Variants in ZNF438 observed in about 807,000 individuals in gnomAD.
ZNF438 encodes the protein zinc finger protein 438.
A neutral mutation model predicts 38.0 loss-of-function variants in ZNF438; 25 were observed. The ratio of observed to expected loss-of-function variants is 0.66; its 90% CI spans 0.48 to 0.92. The LOEUF (loss-of-function observed/expected upper bound fraction) is 0.92. ZNF438 is among the 40% of genes least tolerant of loss of function. The pLI is 0.00. For synonymous variants in ZNF438, 372 were observed against 364.1 expected (o/e 1.02, Z -0.25); for missense variants, 1,007 against 999.6 (o/e 1.01, Z -0.10).
At chr10:31,010,892 G>GAAAAAAAAAAAAAAAAAAAAAAAAAAAA in intron 1 of ZNF438, among the ~76,000 whole-genome samples, 1 of 92,594 alleles carries the variant, frequency 1.1e-5, no homozygotes, top group Non-Finnish European at 1.9e-5. Flanking sequence ...GACCCTGTTT[G>GAAAAAAAAAAAAAAAAAAAAAAAAAAAA]AAAAAAAAAA....
At chr10:30,896,029 C>T (rs1393003769) in intron 3 of ZNF438, among the ~76,000 whole-genome samples, 3 of 152,156 alleles carry the variant, frequency 2.0e-5, no homozygotes, top group Non-Finnish European at 2.9e-5. Context: ...AGGCCAGGCA[C>T]GGTGCCTCAC....
In ZNF438 at chr10:30,895,358, T is replaced by G. The variant is rs574178979; in HGVS notation, c.-32+13575A>C. On this transcript the variant is annotated intron_variant, in intron 3 of 5. Transcript: ENST00000413025. ...ACTTTCAGGAGTAGTCATCTTTGTC[T>G]TGCAGTAGTTATTTTATAATTATTT... Among the ~76,000 whole-genome samples the G allele has an allele frequency of 2.0e-5, 3 of 152,366 alleles. No homozygotes were observed. The South Asian group carries it at 6.2e-4, about 32-fold the overall frequency.
intron 4 of ZNF438, among the ~76,000 whole-genome samples, chr10:30,859,089 G>C (rs1471768192): frequency 6.6e-6 from 1 of 152,000 alleles, no homozygotes; most frequent in Non-Finnish European, 1.5e-5. Flanking sequence ...TGTTGTATCT[G>C]TTTGTTTTTG....
At chr10:30,899,824 A>G (rs2041779499) in intron 3 of ZNF438, among the ~76,000 whole-genome samples, 1 of 152,196 alleles carries the variant, frequency 6.6e-6, no homozygotes, top group Admixed American at 6.5e-5. Flanking sequence ...AGTTTCAAGA[A>G]AATTTTAACC....
intron 1 of ZNF438, among the ~76,000 whole-genome samples, chr10:31,015,398 C>A (rs1421389592): frequency 1.3e-5 from 2 of 152,150 alleles, no homozygotes; most frequent in African/African-American, 4.8e-5. Context: ...CATCCCAGCA[C>A]TTTGGGAGGC....
At chr10:31,006,262 G>A (rs1287830099) in intron 1 of ZNF438, among the ~76,000 whole-genome samples, 2 of 152,158 alleles carry the variant, frequency 1.3e-5, no homozygotes, top group Non-Finnish European at 2.9e-5. Flanking sequence ...GGGACGTTCA[G>A]TGACACCCTC....
intron 2 of ZNF438, among the ~76,000 whole-genome samples, chr10:30,928,030 TC>T (rs1429504777): frequency 6.6e-5 from 10 of 152,334 alleles, no homozygotes; most frequent in Admixed American, 6.5e-5. Flanking sequence ...TATTTGGGTC[TC>T]CGTACAATAA....
chr10:30,956,263 T>C (rs1168191849), intron 1 of ZNF438, among the ~76,000 whole-genome samples: 1 of 152,198 alleles, frequency 6.6e-6, no homozygotes, highest in Admixed American at 6.5e-5. Flanking sequence ...TGATGAAATA[T>C]AAAAGAGAGA....
Position 30,968,532 on chromosome 10 carries a change from C to T in ZNF438, c.-191-26881G>A, listed in dbSNP as rs189076468. Among the ~76,000 whole-genome samples, 831 of 146,772 alleles carry T rather than the reference C, an allele frequency of 5.7e-3. 3 individuals are homozygous for T. The highest frequency in any genetic ancestry group is 9.4e-3 in the Non-Finnish European group (626 of 66,344). ...GATCTCGGCTCACCACAACCTCCAC[C>T]TCCCGGGTTCAAGCGATTCTCCTGT... On this transcript the variant is annotated intron_variant, in intron 1 of 5. Coordinates refer to ENST00000413025, the Ensembl canonical transcript of ZNF438.
chr10:31,027,174 T>C (rs2056999481), intron 1 of ZNF438, among the ~76,000 whole-genome samples: 1 of 152,044 alleles, frequency 6.6e-6, no homozygotes, highest in Non-Finnish European at 1.5e-5. Context: ...CACACCAACA[T>C]GGGACATGTA....
intron 3 of ZNF438, among the ~76,000 whole-genome samples, chr10:30,906,569 A>C (rs2042606842): frequency 6.6e-6 from 1 of 152,106 alleles, no homozygotes; most frequent in African/African-American, 2.4e-5. Flanking sequence ...TCTTTTTCTT[A>C]CCTAACTGTC....
At chr10:30,881,855 C>T (rs1252039558) in intron 3 of ZNF438, among the ~76,000 whole-genome samples, 1 of 152,110 alleles carries the variant, frequency 6.6e-6, no homozygotes, top group African/African-American at 2.4e-5. Flanking sequence ...AAGGATGATG[C>T]TTTCTCTGTA....
At chr10:30,950,592 A>C (rs1396785106) in intron 1 of ZNF438, among the ~76,000 whole-genome samples, 1 of 150,918 alleles carries the variant, frequency 6.6e-6, no homozygotes, top group Non-Finnish European at 1.5e-5. Context: ...CAGAAATACA[A>C]ACTACCATCA....
chr10:30,876,992 A>G lies in ZNF438; in HGVS notation c.37+6T>C, dbSNP rs1328358782. On this transcript the variant is annotated splice_donor_region_variant and intron_variant, in intron 4 of 5. Transcript: ENST00000413025. Reference sequence around the variant, plus strand: ...CATCACCATTTTCCTCAGCAGTTTAACTTACCTTCATCTTTTGGTGGTACT... The same window carrying G: ...CATCACCATTTTCCTCAGCAGTTTAGCTTACCTTCATCTTTTGGTGGTACT... The G allele has an allele frequency of 1.2e-6, 2 of 1,605,624 alleles. No individual in the cohort carries two copies. The highest frequency in any genetic ancestry group is 2.2e-5 in the South Asian group (2 of 89,034).
At chr10:30,951,779 G>A (rs564423695) in intron 1 of ZNF438, among the ~76,000 whole-genome samples, 3 of 149,426 alleles carry the variant, frequency 2.0e-5, no homozygotes, top group South Asian at 2.1e-4. Flanking sequence ...AACATTCCAT[G>A]CTCATGTGTA....
intron 1 of ZNF438, among the ~76,000 whole-genome samples, chr10:30,985,197 G>A (rs1374731695): frequency 6.6e-6 from 1 of 152,176 alleles, no homozygotes; most frequent in Non-Finnish European, 1.5e-5. Flanking sequence ...ACCTAGGCAG[G>A]AGCAGGTAGG....
chr10:30,877,734 T>A (rs1419099987), intron 3 of ZNF438, among the ~76,000 whole-genome samples: 2 of 152,194 alleles, frequency 1.3e-5, no homozygotes, highest in Non-Finnish European at 2.9e-5. Flanking sequence ...TAATGTAGTG[T>A]TCCATATTAA....
At chr10:31,014,387 C>A (rs950805504) in intron 1 of ZNF438, among the ~76,000 whole-genome samples, 2 of 152,188 alleles carry the variant, frequency 1.3e-5, no homozygotes, top group African/African-American at 4.8e-5. Flanking sequence ...AGCCACCTTA[C>A]CACTGTGTCC....
At chr10:31,004,076 C>T (rs138965264) in intron 1 of ZNF438, among the ~76,000 whole-genome samples, 9 of 152,234 alleles carry the variant, frequency 5.9e-5, no homozygotes, top group Non-Finnish European at 1.2e-4. Context: ...TGATTTTATG[C>T]ACCCAGGAGA....
Sources: allele counts gnomAD v4.1 joint callset (sites outside exome capture counted in the v4.1 genomes callset), GRCh38; gene constraint gnomAD v4.1.1; transcripts MANE v1.5; gene names NCBI Gene and HGNC (gene_info 2026-07-23, HGNC 2026-07-21).